The following FGD4 variants were observed in gnomAD, a reference collection of about 807,000 sequenced individuals.
FGD4 encodes FYVE, RhoGEF and PH domain-containing protein 4.
A neutral mutation model predicts 102.0 loss-of-function variants in FGD4; 42 were observed. The observed-to-expected ratio is 0.41, with a 90% CI of 0.32 to 0.53. The LOEUF is 0.53. FGD4 is among the 20% of genes least tolerant of loss of function. The pLI, the probability that FGD4 is intolerant of heterozygous loss-of-function variation, is 0.21. For synonymous variants in FGD4, 380 were observed against 375.7 expected (o/e 1.01, Z -0.13); for missense variants, 902 against 1,078.2 (o/e 0.84, Z 2.29).
intron 10 of FGD4, among the ~76,000 whole-genome samples, chr12:32,615,554 A>G (rs1014336022): frequency 4.6e-5 from 7 of 152,192 alleles, no homozygotes; most frequent in African/African-American, 1.7e-4. Flanking sequence ...AGATAGCTAA[A>G]TAGAAAACAA....
chr12:32,424,163 G>A (rs1157050999), intron 1 of FGD4, among the ~76,000 whole-genome samples: 2 of 152,110 alleles, frequency 1.3e-5, no homozygotes, highest in Non-Finnish European at 1.5e-5. Flanking sequence ...GTGGTTTGCT[G>A]CATCCATCAA....
intron 1 of FGD4, among the ~76,000 whole-genome samples, chr12:32,562,160 G>A (rs1490740597): frequency 2.0e-5 from 3 of 152,150 alleles, no homozygotes; most frequent in Admixed American, 1.3e-4. Context: ...GGCTTTTAAC[G>A]GATTAATTCC....
intron 1 of FGD4, among the ~76,000 whole-genome samples, chr12:32,473,237 A>C (rs1943472214): frequency 6.6e-6 from 1 of 152,060 alleles, no homozygotes; most frequent in Non-Finnish European, 1.5e-5. Flanking sequence ...CCGAGCCAGC[A>C]TTGGCAACCT....
At chr12:32,599,219 G>A (rs1948150879) in intron 5 of FGD4, among the ~76,000 whole-genome samples, 2 of 151,802 alleles carry the variant, frequency 1.3e-5, no homozygotes, top group Admixed American at 1.3e-4. Context: ...TTTGGGCTGG[G>A]CGCGGTGGCT....
In FGD4 at chr12:32,534,443, A is replaced by C. The variant is rs564252357; in HGVS notation, c.167-29694A>C. ...AAAGAGTAAAGCCAAATATCTTTTT[A>C]TTAAACCAGAGTAGATTAATTATCA... On this transcript the variant is annotated intron_variant, in intron 1 of 16. Coordinates refer to ENST00000534526, the MANE Select transcript of FGD4 (RefSeq NM_001370298.3). 3 of 1,526,758 alleles carry C rather than the reference A, an allele frequency of 2.0e-6. No individual in the cohort carries two copies. In the African/African-American group the frequency reaches 4.1e-5, roughly 21 times the overall value. The allele number at this position is 1,526,758 out of a possible 1,614,324, so 94.6% of individuals were successfully genotyped here.
intron 1 of FGD4, among the ~76,000 whole-genome samples, chr12:32,465,439 G>A (rs923220117): frequency 1.3e-5 from 2 of 152,026 alleles, no homozygotes; most frequent in Non-Finnish European, 2.9e-5. Context: ...GGAGGCTGAG[G>A]CGGGCAGATC....
chr12:32,581,808 A>T, intron 3 of FGD4, 152 bp from the exon 4 acceptor site: 1 of 793,040 alleles, frequency 1.3e-6, no homozygotes, highest in Non-Finnish European at 2.0e-6. Flanking sequence ...ACTTGGGTCT[A>T]CACTAAGAAT....
At chr12:32,407,213 C>T (rs1940977084) in intron 1 of FGD4, among the ~76,000 whole-genome samples, 1 of 150,270 alleles carries the variant, frequency 6.7e-6, no homozygotes, top group Admixed American at 6.7e-5. Flanking sequence ...GCAACCTCCC[C>T]CTCCCGGGTT....
chr12:32,610,540 T>A (rs1004968), intron 8 of FGD4, among the ~76,000 whole-genome samples: 1 of 152,034 alleles, frequency 6.6e-6, no homozygotes, highest in Non-Finnish European at 1.5e-5. Context: ...CATTGGGGAT[T>A]AATTAAACCT....
At chr12:32,438,660 A>AGTGCAGT (rs1384597489) in intron 1 of FGD4, among the ~76,000 whole-genome samples, 1 of 149,886 alleles carries the variant, frequency 6.7e-6, no homozygotes, top group African/African-American at 2.5e-5. Flanking sequence ...CCCAGGCTGG[A>AGTGCAGT]GTGCAGTGGC....
chr12:32,407,497 T>C (rs2651366), intron 1 of FGD4, among the ~76,000 whole-genome samples: 83,597 of 152,030 alleles, frequency 0.55, 24,158 homozygotes, highest in African/African-American at 0.74. Context: ...TCTGTGCATT[T>C]CCAAACATGG....
At chr12:32,487,907 A>C (rs1943961389) in intron 1 of FGD4, among the ~76,000 whole-genome samples, 1 of 152,174 alleles carries the variant, frequency 6.6e-6, no homozygotes, top group South Asian at 2.1e-4. Context: ...TTTTTCAGAG[A>C]GACAAAGTGG....
chr12:32,595,703 G>A (rs1947837622), intron 4 of FGD4, among the ~76,000 whole-genome samples: 1 of 152,110 alleles, frequency 6.6e-6, no homozygotes. Flanking sequence ...AATGAGGGGT[G>A]GGAAATATGC....
intron 15 of FGD4, among the ~76,000 whole-genome samples, chr12:32,634,872 G>C (rs762413132): frequency 1.3e-5 from 2 of 152,084 alleles, no homozygotes; most frequent in South Asian, 2.1e-4. Context: ...CCTGTAGTCC[G>C]AGCTACTTGG....
intron 1 of FGD4, among the ~76,000 whole-genome samples, chr12:32,427,414 G>T (rs149833777): frequency 0.087 from 13,285 of 152,186 alleles, 810 homozygotes; most frequent in Admixed American, 0.14. Flanking sequence ...ATTTGATTGC[G>T]CTGTAGTCTG....
chr12:32,564,143 G>A lies in FGD4; in HGVS notation c.173G>A (p.Ser58Asn). 6.5e-7 allele frequency: 1 copy of A among 1,535,806 alleles called. No individual in the cohort carries two copies. The highest frequency in any genetic ancestry group is 8.7e-7 in the Non-Finnish European group (1 of 1,146,746). The change falls in exon 2 of 17, where the codon AGT becomes AAT. Residue 58 changes from serine to asparagine, a missense_variant. Physicochemically the swap from Ser to Asn is conservative, Grantham distance 46. Around this residue, in one of 2 missense-constraint regions of FGD4, gnomAD observed 443 missense variants for 459.2 expected, o/e 0.96. Coordinates refer to ENST00000534526, the MANE Select transcript of FGD4 (RefSeq NM_001370298.3). Reference protein sequence around the residue: ...GQVPSGATGSSTCPKIALVPP... With the variant: ...GQVPSGATGSNTCPKIALVPP... ...TCTTTCTGAACTCTTGCAGGCAGCA[G>A]TACCTGTCCAAAGATCGCTTTAGTT...
intron 11 of FGD4, 152 bp from the exon 12 acceptor site, chr12:32,624,270 G>A (rs1290959368): frequency 1.5e-6 from 1 of 655,900 alleles, no homozygotes; most frequent in Non-Finnish European, 2.7e-6. Context: ...AATTTTATTT[G>A]TTTAATTGCC....
At chr12:32,438,612 G>T (rs3076970) in intron 1 of FGD4, among the ~76,000 whole-genome samples, 12 of 96,788 alleles carry the variant, frequency 1.2e-4, no homozygotes, top group African/African-American at 1.8e-4. Context: ...GTTTGTTTGT[G>T]TGTGTTTTTT....
chr12:32,540,807 C>T (rs549578617), intron 1 of FGD4, among the ~76,000 whole-genome samples: 1 of 152,162 alleles, frequency 6.6e-6, no homozygotes, highest in Non-Finnish European at 1.5e-5. Flanking sequence ...TCAGGTGATT[C>T]GCCCGCCTCT....
Sources: allele counts gnomAD v4.1 joint callset (sites outside exome capture counted in the v4.1 genomes callset), GRCh38; gene constraint gnomAD v4.1.1; regional missense constraint gnomAD v4.1.1; transcripts MANE v1.5; gene names NCBI Gene and HGNC (gene_info 2026-07-23, HGNC 2026-07-21).